The following ZNF143 variants were observed in gnomAD, a reference collection of about 807,000 sequenced individuals.
The protein encoded by ZNF143 is zinc finger protein 143.
ZNF143 carries 49 observed loss-of-function variants against 74.1 expected under a neutral mutation model. That is an observed-to-expected ratio of 0.66 (90% CI 0.53 to 0.84). The LOEUF is 0.84. ZNF143 is among the 40% of genes least tolerant of loss of function. The probability of loss-of-function intolerance (pLI) is 0.00; values close to 1 mark genes in which losing one functional copy is unlikely to be tolerated. For missense variants in ZNF143, 637 were observed against 793.4 expected, an observed-to-expected ratio of 0.80 and a Z score of 2.37; for synonymous variants, 304 against 282.8, an observed-to-expected ratio of 1.07 and a Z score of -0.75.
chr11:9,472,401 A>G (rs1490721178), intron 2 of ZNF143, among the ~76,000 whole-genome samples: 1 of 152,016 alleles, frequency 6.6e-6, no homozygotes, highest in African/African-American at 2.4e-5. Context: ...TACAAGGTGC[A>G]TGCCACCGCG....
rs954404348 is a variant in ZNF143, at chr11:9,520,025, ATTTTT to A, written c.1686+3688_1686+3692del. On this transcript the variant is annotated intron_variant, in intron 14 of 15. Transcript: ENST00000396602. ...ATGTAGCAAGACACTGTTTCCACCA[ATTTTT>A]TTTTTTTTTTTTTTTTTTTTTTTTG... is the stretch of plus-strand genomic sequence containing the variant. 4.4e-3 allele frequency among the ~76,000 whole-genome samples: 402 copies of A among 91,362 alleles called. 1 individual carries two copies. The highest frequency in any genetic ancestry group is 0.018 in the African/African-American group (383 of 21,008). The allele number at this position is 91,362 out of a possible 152,430, so 59.9% of individuals were successfully genotyped here.
chr11:9,468,563 T>A (rs1029042525), intron 1 of ZNF143, among the ~76,000 whole-genome samples: 1 of 152,250 alleles, frequency 6.6e-6, no homozygotes, highest in Admixed American at 6.5e-5. Flanking sequence ...TTGCCCATAC[T>A]TTAACCCTTA....
chr11:9,484,730 C>T (rs1847392088), intron 7 of ZNF143, among the ~76,000 whole-genome samples: 1 of 148,558 alleles, frequency 6.7e-6, no homozygotes, highest in African/African-American at 2.5e-5. Context: ...TCCTGACCTC[C>T]AGTGATCCAC....
intron 14 of ZNF143, among the ~76,000 whole-genome samples, chr11:9,517,905 T>C (rs1341888865): frequency 6.6e-6 from 1 of 152,294 alleles, no homozygotes; most frequent in East Asian, 1.9e-4. Flanking sequence ...AAATTAATTC[T>C]GCTCACCAAA....
chr11:9,472,480 C>G (rs1457851187), intron 2 of ZNF143, among the ~76,000 whole-genome samples, 197 bp from the exon 3 acceptor site: 8 of 152,172 alleles, frequency 5.3e-5, no homozygotes, highest in African/African-American at 1.9e-4. Context: ...TGTCGAACTT[C>G]TGACCTCATG....
At position 9,478,513 on chromosome 11, in the gene ZNF143, T is replaced by G; in HGVS notation, c.497T>G (p.Val166Gly). Residue 166 changes from valine to glycine, a missense_variant, in exon 6 of 16, where the codon GTG (valine) becomes GGG (glycine). By Grantham distance (109) the Val-to-Gly change is moderately radical. This residue lies in a region of ZNF143 where 293 missense variants were observed against 307.8 expected (regional missense o/e 0.95). Coordinates refer to ENST00000396602, the MANE Select transcript of ZNF143 (RefSeq NM_003442.6). ...TILAIQADGT[V>G]AGLHTGDATI... ...TTGGCAATTCAGGCTGATGGGACAG[T>G]GGCAGGTCTGCACACTGGGGATGCT... The G allele has an allele frequency of 6.2e-7, 1 of 1,614,196 alleles. No individual in the cohort carries two copies. Among genetic ancestry groups the G allele is most frequent in the East Asian group, 2.2e-5 (1 of 44,878 alleles).
intron 1 of ZNF143, among the ~76,000 whole-genome samples, chr11:9,466,904 G>GT (rs932719110): frequency 2.0e-5 from 3 of 151,160 alleles, no homozygotes; most frequent in African/African-American, 7.3e-5. Context: ...GTGTGTGTGT[G>GT]TTTTTTTGAC....
At chr11:9,514,707 A>T (rs1181033624) in intron 13 of ZNF143, among the ~76,000 whole-genome samples, 2 of 152,200 alleles carry the variant, frequency 1.3e-5, no homozygotes, top group Non-Finnish European at 2.9e-5. Context: ...AATACAAGAG[A>T]ATATGACACT....
Position 9,493,156 on chromosome 11 carries a change from G to A in ZNF143, c.646-1490G>A, listed in dbSNP as rs550195998. On this transcript the variant is annotated intron_variant, in intron 7 of 15. Transcript: ENST00000396602. Reference sequence around the variant, plus strand: ...ATGATCTCGGCTCTCTGTAACCTCCGCCTCCCAGGTTCAAGCGATTCTCCT... The same window carrying A: ...ATGATCTCGGCTCTCTGTAACCTCCACCTCCCAGGTTCAAGCGATTCTCCT... Among the ~76,000 whole-genome samples the A allele has an allele frequency of 2.4e-3, 345 of 146,302 alleles. 2 individuals are homozygous for A. The highest frequency in any genetic ancestry group is 0.014 in the South Asian group (65 of 4,662).
At chr11:9,499,752 ATCTGTATC>A (rs1848091023) in intron 10 of ZNF143, among the ~76,000 whole-genome samples, 1 of 152,216 alleles carries the variant, frequency 6.6e-6, no homozygotes, top group African/African-American at 2.4e-5. Flanking sequence ...ATAGATAAAT[ATCTGTATC>A]TGTCTATATA....
intron 1 of ZNF143, among the ~76,000 whole-genome samples, chr11:9,466,570 A>G (rs1002637113): frequency 6.6e-6 from 1 of 151,982 alleles, no homozygotes; most frequent in African/African-American, 2.4e-5. Context: ...TGCTGGGATT[A>G]CAGATGTGAG....
chr11:9,479,403 C>CATG, intron 6 of ZNF143, 69 bp from the exon 7 acceptor site: 1 of 1,278,662 alleles, frequency 7.8e-7, no homozygotes, highest in South Asian at 1.4e-5. Context: ...CTCCCTGAAC[C>CATG]ATGTACTTAA....
In ZNF143 at chr11:9,516,257, G is replaced by A. The variant is rs778539331; in HGVS notation, c.1581G>A (p.Thr527=). Residue 527 remains threonine, a synonymous_variant, in exon 14 of 16, where the codon ACG becomes ACA. Transcript: ENST00000396602. ...QAIGNTITMV[T]QDGTPITVPA... ...TTGGCAACACCATCACAATGGTAAC[G>A]CAGGATGGCACGCCCATCACAGTCC... 3 of 1,613,958 alleles carry A rather than the reference G, an allele frequency of 1.9e-6. No homozygotes were observed. Among genetic ancestry groups the A allele is most frequent in the African/African-American group, 1.3e-5 (1 of 74,912 alleles).
In ZNF143 at chr11:9,519,215, A is replaced by ATT. The variant is rs35448513; in HGVS notation, c.1686+2866_1686+2867dup. ...TGTTGTGATTGAATTAGTTTTGCCT[A>ATT]TTTTTTTTTTTTTTGAGACAGAGCC... is the stretch of plus-strand genomic sequence containing the variant. On this transcript the variant is annotated intron_variant, in intron 14 of 15. Transcript: ENST00000396602. 1.6e-3 allele frequency among the ~76,000 whole-genome samples: 238 copies of ATT among 146,572 alleles called. 2 individuals carry two copies. Among genetic ancestry groups the ATT allele is most frequent in the African/African-American group, 5.1e-3 (204 of 39,742 alleles).
At chr11:9,474,371 T>G (rs1401850648) in intron 4 of ZNF143, among the ~76,000 whole-genome samples, 179 bp from the exon 5 acceptor site, 1 of 152,250 alleles carries the variant, frequency 6.6e-6, no homozygotes, top group African/African-American at 2.4e-5. Flanking sequence ...TTCTAATGTC[T>G]TTTTACCTTT....
intron 7 of ZNF143, among the ~76,000 whole-genome samples, chr11:9,480,306 G>A (rs1254562962): frequency 6.6e-6 from 1 of 152,150 alleles, no homozygotes; most frequent in Non-Finnish European, 1.5e-5. Context: ...CTTGGAGCTT[G>A]TATAATCATT....
At chr11:9,512,706 T>G in intron 13 of ZNF143, 110 bp downstream of exon 13, 2 of 1,381,352 alleles carry the variant, frequency 1.4e-6, no homozygotes, top group Non-Finnish European at 2.0e-6. Context: ...GCACAAAGTT[T>G]GGAAACCCTG....
At chr11:9,476,916 T>C (rs915041371) in intron 5 of ZNF143, among the ~76,000 whole-genome samples, 1 of 150,926 alleles carries the variant, frequency 6.6e-6, no homozygotes, top group Non-Finnish European at 1.5e-5. Flanking sequence ...CCCACCACCA[T>C]GCCCGGCTAA....
chr11:9,503,915 G>A (rs1848257996), intron 11 of ZNF143, among the ~76,000 whole-genome samples: 1 of 146,118 alleles, frequency 6.8e-6, no homozygotes, highest in Admixed American at 6.9e-5. Context: ...GCCTCCCAAA[G>A]TGGTGGGATC....
Sources: allele counts gnomAD v4.1 joint callset (sites outside exome capture counted in the v4.1 genomes callset), GRCh38; gene constraint gnomAD v4.1.1; regional missense constraint gnomAD v4.1.1; transcripts MANE v1.5; gene names NCBI Gene and HGNC (gene_info 2026-07-23, HGNC 2026-07-21).